SEL1L: variants seen among roughly 807,000 people sequenced by gnomAD.
SEL1L encodes protein sel-1 homolog 1.
In SEL1L, 52 loss-of-function variants were observed where a neutral mutation model predicts 109.8. The ratio of observed to expected loss-of-function variants is 0.47; its 90% CI spans 0.38 to 0.60. The LOEUF is 0.60. Ranked by LOEUF, SEL1L falls within the 20% of genes least tolerant of loss-of-function variation. SEL1L has a pLI of 0.00. For synonymous variants in SEL1L, 373 were observed against 339.6 expected, an observed-to-expected ratio of 1.10 and a Z score of -1.08; for missense variants, 749 against 962.2, an observed-to-expected ratio of 0.78 and a Z score of 2.93.
intron 10 of SEL1L, among the ~76,000 whole-genome samples, chr14:81,495,536 C>T (rs915653151): frequency 2.6e-5 from 4 of 152,116 alleles, no homozygotes; most frequent in African/African-American, 9.7e-5. Context: ...ACTTGAGAGG[C>T]TGAGGTGGGA....
chr14:81,486,430 C>A lies in SEL1L; in HGVS notation c.1657G>T (p.Gly553Cys). Residue 553 changes from glycine (G) to cysteine (C), a missense_variant, in exon 17 of 21, where the codon GGC becomes TGC. Physicochemically the swap from Gly to Cys is radical, Grantham distance 159. Around this residue, in one of 2 missense-constraint regions of SEL1L, gnomAD observed 383 missense variants for 562.5 expected, o/e 0.68. Coordinates refer to ENST00000336735, the MANE Select transcript of SEL1L (RefSeq NM_005065.6). ...GTCATAAGCCTTTCAGACCAACGGC[C>A]TCGTTCACATACATTCTTAAACAAC... ...VELFKNVCER[G>C]RWSERLMTAY... 6.2e-7 allele frequency: 1 copy of A among 1,613,996 alleles called. No individual in the cohort carries two copies. The highest frequency in any genetic ancestry group is 8.5e-7 in the Non-Finnish European group (1 of 1,179,980).
intron 3 of SEL1L, among the ~76,000 whole-genome samples, chr14:81,520,861 G>A (rs1232224797): frequency 1.3e-5 from 2 of 152,160 alleles, no homozygotes; most frequent in East Asian, 3.9e-4. Context: ...AACCAGTGAT[G>A]TCTCATGTCG....
Position 81,507,212 on chromosome 14 carries a change from C to T in SEL1L, c.341-971G>A, listed in dbSNP as rs137943257. ...TTATCCTGAGAACAATGGAAACTCA[C>T]TGAAAAGTTTTGCATAGGAGTGACA... On this transcript the variant is annotated intron_variant, in intron 3 of 20. Transcript: ENST00000336735. 4.8e-4 allele frequency among the ~76,000 whole-genome samples: 73 copies of T among 152,290 alleles called. 1 individual carries two copies. The highest frequency in any genetic ancestry group is 1.5e-3 in the African/African-American group (64 of 41,554).
chr14:81,501,303 T>C (rs4903984), intron 6 of SEL1L, among the ~76,000 whole-genome samples: 110,614 of 152,024 alleles, frequency 0.73, 40,334 homozygotes, highest in African/African-American at 0.77. Flanking sequence ...CAACTAGAAC[T>C]AATTTTCATG....
intron 1 of SEL1L, among the ~76,000 whole-genome samples, chr14:81,530,622 G>C (rs553521936): frequency 6.6e-6 from 1 of 152,258 alleles, no homozygotes; most frequent in East Asian, 1.9e-4. Flanking sequence ...ATGCATTTGT[G>C]AGAAAAATTA....
intron 3 of SEL1L, among the ~76,000 whole-genome samples, chr14:81,516,366 C>A (rs1884701351): frequency 6.6e-6 from 1 of 152,258 alleles, no homozygotes; most frequent in African/African-American, 2.4e-5. Context: ...CCAGGTATTT[C>A]TCCCACCTCC....
intron 2 of SEL1L, among the ~76,000 whole-genome samples, chr14:81,527,438 T>TACACACACACACACACACAC (rs67777470): frequency 2.0e-5 from 3 of 146,664 alleles, no homozygotes; most frequent in Non-Finnish European, 4.5e-5. Flanking sequence ...TCTTCAAACT[T>TACACACACACACACACACAC]ACACACACAC....
chr14:81,510,504 C>A lies in SEL1L; in HGVS notation c.341-4263G>T, dbSNP rs1274000852. Among the ~76,000 whole-genome samples, 565 of 124,496 alleles carry A rather than the reference C, an allele frequency of 4.5e-3. 4 individuals carry two copies. The highest frequency in any genetic ancestry group is 0.012 in the African/African-American group (391 of 31,866). The allele number at this position is 124,496 out of a possible 152,430, so 81.7% of individuals were successfully genotyped here. ...TCTCTCTCTCTCTCTCTCTCTCTCT[C>A]TCTCTCTCTCTATATATATATATAT... is the stretch of plus-strand genomic sequence containing the variant. On this transcript the variant is annotated intron_variant, in intron 3 of 20. Transcript: ENST00000336735.
At chr14:81,509,626 G>C (rs971919715) in intron 3 of SEL1L, among the ~76,000 whole-genome samples, 3 of 152,184 alleles carry the variant, frequency 2.0e-5, no homozygotes, top group Non-Finnish European at 4.4e-5. Flanking sequence ...AATCAGTCAA[G>C]AAAGTAAGAA....
chr14:81,499,673 T>C lies in SEL1L; in HGVS notation c.778-11A>G, dbSNP rs370989582. The C allele has an allele frequency of 1.9e-6, 3 of 1,598,468 alleles. No individual in the cohort carries two copies. The highest frequency in any genetic ancestry group is 1.1e-5 in the South Asian group (1 of 87,968). On this transcript the variant is annotated splice_polypyrimidine_tract_variant and intron_variant, in intron 6 of 20. Coordinates refer to ENST00000336735, the MANE Select transcript of SEL1L (RefSeq NM_005065.6). ...CAGAAAGCCAAGAGCCTGAAATAGATGATAAAAGTAAGAAATCTTGCTTTG... is the reference window on the plus strand; with the variant it reads ...CAGAAAGCCAAGAGCCTGAAATAGACGATAAAAGTAAGAAATCTTGCTTTG...
chr14:81,487,961 TATG>T lies in SEL1L; in HGVS notation c.1396-22_1396-20del. ...CATAATTCTGTAGAAAAAGATGTCA[TATG>T]ATGAGAAAGCTCAAAAGGCAGACAT... is the stretch of plus-strand genomic sequence containing the variant. On this transcript the variant is annotated intron_variant, in intron 14 of 20. Coordinates refer to ENST00000336735, the MANE Select transcript of SEL1L (RefSeq NM_005065.6). 1.3e-6 allele frequency: 2 copies of T among 1,592,154 alleles called. No individual in the cohort carries two copies. The highest frequency in any genetic ancestry group is 1.7e-6 in the Non-Finnish European group (2 of 1,161,858).
rs866209057 is a variant in SEL1L at position 81,495,904 on chromosome 14, C to T, written c.1129-767G>A. 3.2e-4 allele frequency among the ~76,000 whole-genome samples: 48 copies of T among 152,068 alleles called. 1 individual carries two copies. The highest frequency in any genetic ancestry group is 2.6e-4 in the Admixed American group (4 of 15,284). ...TGTGCCGAGATCGTGCCACTGCACT[C>T]CATCCTGGGTGACAGAGCAAGACTT... On this transcript the variant is annotated intron_variant, in intron 10 of 20. Transcript: ENST00000336735.
intron 3 of SEL1L, among the ~76,000 whole-genome samples, chr14:81,506,915 C>G (rs996647317): frequency 6.6e-6 from 1 of 152,114 alleles, no homozygotes; most frequent in African/African-American, 2.4e-5. Flanking sequence ...TACTGCCTAG[C>G]CAGGAAGAGA....
At position 81,499,590 on chromosome 14, in the gene SEL1L, A is replaced by G. The variant is rs370799404; in HGVS notation, c.831+19T>C. Reference sequence around the variant, plus strand: ...TTCAATTCAAATTGTAATATGCAATAAAGTTTTAATAGTATTACCTTTGCC... The same window carrying G: ...TTCAATTCAAATTGTAATATGCAATGAAGTTTTAATAGTATTACCTTTGCC... On this transcript the variant is annotated intron_variant, in intron 7 of 20. Transcript: ENST00000336735. 5.0e-5 allele frequency: 80 copies of G among 1,609,804 alleles called. No homozygotes were observed. The highest frequency in any genetic ancestry group is 6.6e-5 in the Non-Finnish European group (78 of 1,179,038).
chr14:81,522,127 T>A (rs1884930636), intron 3 of SEL1L, among the ~76,000 whole-genome samples: 1 of 152,210 alleles, frequency 6.6e-6, no homozygotes. Flanking sequence ...TAAGTGTTAC[T>A]ACAAAATAGT....
intron 9 of SEL1L, 87 bp from the exon 10 acceptor site, chr14:81,498,133 G>A (rs1299003844): frequency 9.7e-6 from 13 of 1,333,944 alleles, no homozygotes; most frequent in African/African-American, 6.0e-5. Context: ...GCTGCCAAAC[G>A]TTGACGAACA....
In SEL1L at chr14:81,471,754, A is replaced by C. The variant is rs569595228; in HGVS notation, c.*5218T>G. ...AAATCAGAGTTCTACTCAAAATATA[A>C]TACTACCAATAAACTACTAGCATAG... On this transcript the variant is annotated 3_prime_UTR_variant, in exon 21 of 21. Coordinates refer to ENST00000336735, the MANE Select transcript of SEL1L (RefSeq NM_005065.6). 10 of 152,332 alleles carry C rather than the reference A, an allele frequency of 6.6e-5. No homozygotes were observed. The East Asian group carries it at 7.7e-4, about 12-fold the overall frequency. 9.4% of individuals were successfully genotyped at this position (152,332 alleles called of 1,614,324 possible).
At chr14:81,523,016 T>C (rs192904887) in intron 3 of SEL1L, among the ~76,000 whole-genome samples, 144 of 152,300 alleles carry the variant, frequency 9.5e-4, no homozygotes, top group Middle Eastern at 3.4e-3. Flanking sequence ...TTCATAATGA[T>C]GCTTGTGATA....
At position 81,498,484 on chromosome 14, in the gene SEL1L, T is replaced by C; in HGVS notation, c.902A>G (p.Tyr301Cys). Residue 301 changes from tyrosine to cysteine, a missense_variant, in exon 9 of 21, where the codon TAC (tyrosine) becomes TGC (cysteine). Around this residue, in one of 2 missense-constraint regions of SEL1L, gnomAD observed 366 missense variants for 399.8 expected, o/e 0.92. Transcript: ENST00000336735. The stretch of plus-strand genomic sequence containing the variant: ...CTGGAGGACGCCGATGCCAGCCCAG[T>C]ATCTGTAACCCTGTAAAACAACTTC... ...LIAHMVLGYR[Y>C]WAGIGVLQSC... The C allele has an allele frequency of 6.2e-7, 1 of 1,613,924 alleles. No homozygotes were observed. Among genetic ancestry groups the C allele is most frequent in the East Asian group, 2.2e-5 (1 of 44,874 alleles).
Sources: gnomAD v4.1 joint callset for allele counts (sites outside exome capture counted in the v4.1 genomes callset) on GRCh38, gnomAD v4.1.1 for gene constraint, gnomAD v4.1.1 regional missense constraint, MANE v1.5 for transcripts, NCBI Gene and HGNC (gene_info 2026-07-23, HGNC 2026-07-21) for gene names.